Variants in SPAG16 observed in about 807,000 individuals in gnomAD.
SPAG16 encodes the protein sperm associated antigen 16.
In SPAG16, 86 loss-of-function variants were observed where a neutral mutation model predicts 80.4. The ratio of observed to expected loss-of-function variants is 1.07; its 90% confidence interval spans 0.90 to 1.28. The LOEUF (loss-of-function observed/expected upper bound fraction) is 1.28. Ranked by LOEUF, SPAG16 falls within the 50% of genes most tolerant of loss-of-function variation. The pLI is 0.00. For synonymous variants in SPAG16, 294 were observed against 265.9 expected, an observed-to-expected ratio of 1.11 and a Z score of -1.03; for missense variants, 870 against 765.3, an observed-to-expected ratio of 1.14 and a Z score of -1.61.
At chr2:214,131,373 A>C (rs1364765012) in intron 14 of SPAG16, among the ~76,000 whole-genome samples, 1 of 143,442 alleles carries the variant, frequency 7.0e-6, no homozygotes. Flanking sequence ...CTAACTCAAA[A>C]TTAAAAAAAA....
At chr2:214,334,164 C>G (rs1399535097) in intron 15 of SPAG16, among the ~76,000 whole-genome samples, 1 of 152,146 alleles carries the variant, frequency 6.6e-6, no homozygotes. Flanking sequence ...CATGCAGTTC[C>G]TCTTCTAACA....
chr2:213,383,639 T>C (rs1373544934), intron 9 of SPAG16, among the ~76,000 whole-genome samples: 1 of 152,198 alleles, frequency 6.6e-6, no homozygotes, highest in African/African-American at 2.4e-5. Flanking sequence ...CATTCCAAAC[T>C]GTGTCTTCTC....
At chr2:213,422,428 C>T in intron 9 of SPAG16, 2 of 623,342 alleles carry the variant, frequency 3.2e-6, no homozygotes, top group Non-Finnish European at 2.9e-6. Context: ...GGACCTGGTT[C>T]TCACTTGCTC....
At chr2:213,322,564 T>G (rs1423489836) in intron 5 of SPAG16, among the ~76,000 whole-genome samples, 3 of 152,276 alleles carry the variant, frequency 2.0e-5, no homozygotes, top group Non-Finnish European at 4.4e-5. Flanking sequence ...CATCATACTG[T>G]TCTGCCCCTC....
In SPAG16 at chr2:214,351,896, A is replaced by G. The variant is rs144140277; in HGVS notation, c.1721-58244A>G. The stretch of plus-strand genomic sequence containing the variant: ...AGTCTCTTAGTCTGTTTGGTCTGCT[A>G]TAACAAAATACCATACACTGTGTAG... On this transcript the variant is annotated intron_variant, in intron 15 of 15. Transcript: ENST00000331683. Among the ~76,000 whole-genome samples, 319 of 152,310 alleles carry G rather than the reference A, an allele frequency of 2.1e-3. 1 individual carries two copies. The highest frequency in any genetic ancestry group is 7.0e-3 in the African/African-American group (291 of 41,574).
intron 12 of SPAG16, among the ~76,000 whole-genome samples, chr2:213,949,168 A>AGTTTTTTTTTTTTTTTTTTTT (rs2079598890): frequency 5.3e-5 from 4 of 75,248 alleles, no homozygotes; most frequent in Non-Finnish European, 8.6e-5. Context: ...TAATTACAAC[A>AGTTTTTTTTTTTTTTTTTTTT]GTTTTTTTTT....
At chr2:213,937,074 TAAAAG>T (rs2079021044) in intron 12 of SPAG16, among the ~76,000 whole-genome samples, 1 of 152,082 alleles carries the variant, frequency 6.6e-6, no homozygotes, top group South Asian at 2.1e-4. Context: ...GACTCTAAAA[TAAAAG>T]AAATTTTCTT....
intron 9 of SPAG16, among the ~76,000 whole-genome samples, chr2:213,474,196 ATTCTT>A (rs2073251265): frequency 6.6e-6 from 1 of 152,166 alleles, no homozygotes; most frequent in South Asian, 2.1e-4. Context: ...GCAGGGTCCC[ATTCTT>A]TTCCAATCAA....
intron 7 of SPAG16, among the ~76,000 whole-genome samples, chr2:213,359,565 G>A (rs13384166): frequency 0.22 from 33,082 of 152,182 alleles, 4,445 homozygotes; most frequent in Non-Finnish European, 0.31. Flanking sequence ...CTCTGTGGGC[G>A]TCGGACCTGC....
intron 12 of SPAG16, among the ~76,000 whole-genome samples, chr2:213,993,272 A>G (rs1345311436): frequency 6.6e-6 from 1 of 152,164 alleles, no homozygotes; most frequent in African/African-American, 2.4e-5. Context: ...CCCTTTTCAG[A>G]CCCATGCTTA....
intron 15 of SPAG16, among the ~76,000 whole-genome samples, chr2:214,211,632 C>G (rs995776468): frequency 1.3e-5 from 2 of 152,096 alleles, no homozygotes; most frequent in African/African-American, 4.8e-5. Context: ...ATCCCAGCTC[C>G]CTGACTAGAG....
At chr2:214,038,111 A>G (rs1444668104) in intron 13 of SPAG16, among the ~76,000 whole-genome samples, 1 of 152,048 alleles carries the variant, frequency 6.6e-6, no homozygotes, top group Non-Finnish European at 1.5e-5. Flanking sequence ...TATCATGTGT[A>G]CTGTGTTATA....
chr2:213,942,574 G>A (rs1357733007), intron 12 of SPAG16, among the ~76,000 whole-genome samples: 1 of 152,180 alleles, frequency 6.6e-6, no homozygotes, highest in East Asian at 1.9e-4. Flanking sequence ...GTCTGGAATA[G>A]TCATTCACGT....
chr2:214,036,065 ATT>A (rs2048680382), intron 13 of SPAG16, among the ~76,000 whole-genome samples: 1 of 152,198 alleles, frequency 6.6e-6, no homozygotes, highest in African/African-American at 2.4e-5. Context: ...TCCATCATTT[ATT>A]TTTATTAATT....
chr2:214,329,656 A>C (rs1463048371), intron 15 of SPAG16, among the ~76,000 whole-genome samples: 2 of 152,240 alleles, frequency 1.3e-5, no homozygotes, highest in African/African-American at 4.8e-5. Flanking sequence ...CTAGTTAGAA[A>C]AAAAGATTGA....
intron 15 of SPAG16, among the ~76,000 whole-genome samples, chr2:214,226,220 G>A (rs1489957931): frequency 2.0e-5 from 3 of 152,006 alleles, no homozygotes; most frequent in Non-Finnish European, 2.9e-5. Flanking sequence ...GCCCGTCTAG[G>A]ATAGTCTTAG....
chr2:213,985,411 A>T, intron 12 of SPAG16, among the ~76,000 whole-genome samples: 1 of 152,136 alleles, frequency 6.6e-6, no homozygotes, highest in Non-Finnish European at 1.5e-5. Context: ...AGCTTACAAA[A>T]GCAAAAGGAA....
chr2:213,331,536 C>T (rs1200101749), intron 5 of SPAG16, among the ~76,000 whole-genome samples: 1 of 152,142 alleles, frequency 6.6e-6, no homozygotes, highest in Non-Finnish European at 1.5e-5. Context: ...ACAGGTATTC[C>T]AGACAGAAAA....
chr2:213,522,302 G>A (rs2075707909), intron 10 of SPAG16, among the ~76,000 whole-genome samples: 1 of 152,156 alleles, frequency 6.6e-6, no homozygotes, highest in African/African-American at 2.4e-5. Context: ...ACAAATCAAG[G>A]TATTTCACAT....
Sources: allele counts gnomAD v4.1 joint callset (sites outside exome capture counted in the v4.1 genomes callset), GRCh38; gene constraint gnomAD v4.1.1; transcripts MANE v1.5; gene names NCBI Gene and HGNC (gene_info 2026-07-23, HGNC 2026-07-21).